Variants in BTD observed in about 807,000 individuals in gnomAD.
BTD encodes biocytinase.
A neutral mutation model predicts 17.7 loss-of-function variants in BTD; 13 were observed. That is an observed-to-expected ratio of 0.74 (90% confidence interval 0.48 to 1.17). BTD has a LOEUF of 1.17. BTD is among the 50% of genes most tolerant of loss of function. The pLI is 0.00. For synonymous variants in BTD, 240 were observed against 245.2 expected (o/e 0.98, Z 0.20); for missense variants, 674 against 650.4 (o/e 1.04, Z -0.39).
chr3:15,659,899 C>T (rs1056310198), intron 3 of BTD, among the ~76,000 whole-genome samples: 2 of 152,184 alleles, frequency 1.3e-5, no homozygotes, highest in African/African-American at 4.8e-5. Context: ...GATAGGACAT[C>T]TGAGGTTCAG....
intron 3 of BTD, among the ~76,000 whole-genome samples, chr3:15,693,333 G>A (rs2069060683): frequency 6.6e-6 from 1 of 151,592 alleles, no homozygotes; most frequent in African/African-American, 2.4e-5. Flanking sequence ...GGGGCAGAGA[G>A]AGAGAGAGAG....
chr3:15,695,077 G>T, intron 3 of BTD: 2 of 899,612 alleles, frequency 2.2e-6, no homozygotes, highest in Non-Finnish European at 3.5e-6. Context: ...CCGTCTTTGT[G>T]CCTAATATGT....
chr3:15,605,418 G>T (rs2125330026), intron 1 of BTD, among the ~76,000 whole-genome samples: 1 of 152,290 alleles, frequency 6.6e-6, no homozygotes, highest in Non-Finnish European at 1.5e-5. Context: ...CTCATGATAT[G>T]TAGGGATTAT....
intron 3 of BTD, among the ~76,000 whole-genome samples, chr3:15,675,229 G>A (rs1261101933): frequency 6.6e-6 from 1 of 152,008 alleles, no homozygotes; most frequent in Non-Finnish European, 1.5e-5. Context: ...CGAGATCATG[G>A]CACTGCACTC....
At chr3:15,697,418 CA>C (rs2069788095) in intron 3 of BTD, 1 of 151,970 alleles carries the variant, frequency 6.6e-6, no homozygotes, top group African/African-American at 2.4e-5. Flanking sequence ...CAGAAATCAT[CA>C]ATAAAGAACT....
chr3:15,639,067 A>G (rs1443817578), intron 2 of BTD, among the ~76,000 whole-genome samples: 1 of 152,106 alleles, frequency 6.6e-6, no homozygotes, highest in Non-Finnish European at 1.5e-5. Context: ...GTCACTTGGG[A>G]TTGTAACCTT....
upstream of BTD, chr3:15,601,566 C>T: frequency 6.2e-7 from 1 of 1,600,112 alleles, no homozygotes; most frequent in Non-Finnish European, 8.5e-7. Context: ...GGTACTGCAC[C>T]TCTGACGGAC....
intron 1 of BTD, among the ~76,000 whole-genome samples, chr3:15,615,309 C>G (rs1229748125): frequency 1.3e-5 from 2 of 152,218 alleles, no homozygotes; most frequent in Non-Finnish European, 2.9e-5. Flanking sequence ...TCAAGGAGTA[C>G]TATTTTCCCC....
downstream of BTD, among the ~76,000 whole-genome samples, chr3:15,657,563 CTATT>C (rs1172519459): frequency 6.6e-6 from 1 of 152,156 alleles, no homozygotes; most frequent in Non-Finnish European, 1.5e-5. Context: ...GCTAATTAGG[CTATT>C]TATTATCATA....
In BTD at chr3:15,666,129, C is replaced by T. The variant is rs2065984397; in HGVS notation, c.399+24072C>T. Among the ~76,000 whole-genome samples the T allele has an allele frequency of 2.6e-5, 4 of 152,294 alleles. No homozygotes were observed. In the South Asian group the frequency reaches 8.3e-4, roughly 32 times the overall value. ...TGTATGCCAAGAGCCTAGCACAGTT[C>T]CTGGCACATAGCAGGTGTTCAATAA... On this transcript the variant is annotated intron_variant, in intron 3 of 3. Coordinates refer to the BTD transcript ENST00000672141.
At chr3:15,700,226 T>A (rs562102468) in intron 3 of BTD, among the ~76,000 whole-genome samples, 1 of 151,876 alleles carries the variant, frequency 6.6e-6, no homozygotes, top group Non-Finnish European at 1.5e-5. Flanking sequence ...CAACTCTCAC[T>A]CTTAAGTGGA....
chr3:15,604,763 C>T (rs777415134), intron 1 of BTD, among the ~76,000 whole-genome samples: 1 of 152,228 alleles, frequency 6.6e-6, no homozygotes, highest in African/African-American at 2.4e-5. Flanking sequence ...ATCTCTAGGA[C>T]AGGGGCAAAA....
intron 3 of BTD, among the ~76,000 whole-genome samples, chr3:15,701,729 G>A (rs2070664403): frequency 6.6e-6 from 1 of 152,134 alleles, no homozygotes; most frequent in Admixed American, 6.5e-5. Flanking sequence ...CCCACGTCTG[G>A]CTCTAAGGTA....
At chr3:15,628,293 A>G (rs2065116206) in intron 1 of BTD, among the ~76,000 whole-genome samples, 1 of 152,236 alleles carries the variant, frequency 6.6e-6, no homozygotes, top group Non-Finnish European at 1.5e-5. Flanking sequence ...TGCATCCACC[A>G]TACATCTAGA....
intron 3 of BTD, among the ~76,000 whole-genome samples, chr3:15,664,090 C>T (rs558248247): frequency 1.3e-5 from 2 of 152,190 alleles, no homozygotes; most frequent in Non-Finnish European, 2.9e-5. Context: ...TTAGTAGAAA[C>T]GGGGTTTTGC....
At chr3:15,612,225 G>C (rs941461063) in intron 1 of BTD, among the ~76,000 whole-genome samples, 2 of 152,026 alleles carry the variant, frequency 1.3e-5, no homozygotes, top group Non-Finnish European at 2.9e-5. Flanking sequence ...CAAGGCTCTT[G>C]CCAGTTTTTC....
chr3:15,655,998 T>G (rs968302339), downstream of BTD, among the ~76,000 whole-genome samples: 2 of 152,150 alleles, frequency 1.3e-5, no homozygotes, highest in Non-Finnish European at 2.9e-5. Flanking sequence ...AGACAAGGTT[T>G]CACCATGTTG....
At chr3:15,713,342 C>T (rs2255248), downstream of BTD, among the ~76,000 whole-genome samples, 81,070 of 152,016 alleles carry the variant, frequency 0.53, 22,480 homozygotes, top group Middle Eastern at 0.62. Flanking sequence ...AATACACTGG[C>T]TTACCAAATA....
At chr3:15,610,389 G>A (rs935094539) in intron 1 of BTD, among the ~76,000 whole-genome samples, 2 of 152,212 alleles carry the variant, frequency 1.3e-5, no homozygotes, top group South Asian at 4.1e-4. Flanking sequence ...GCCAAAGCAA[G>A]TTATGTGGCT....
Sources: allele counts gnomAD v4.1 joint callset (sites outside exome capture counted in the v4.1 genomes callset), GRCh38; gene constraint gnomAD v4.1.1; transcripts MANE v1.5; gene names NCBI Gene and HGNC (gene_info 2026-07-23, HGNC 2026-07-21).